Variants in AP4S1 observed in about 807,000 individuals in gnomAD.
AP4S1 encodes the protein AP-4 complex subunit sigma-1.
AP4S1 carries 23 observed loss-of-function variants against 19.8 expected under a neutral mutation model. The observed-to-expected ratio is 1.16, with a 90% CI of 0.84 to 1.65. The LOEUF (loss-of-function observed/expected upper bound fraction) is 1.65. AP4S1 is among the 40% of genes most tolerant of loss of function. AP4S1 has a pLI of 0.00. For missense variants in AP4S1, 166 were observed against 172.8 expected (o/e 0.96, Z 0.22); for synonymous variants, 46 against 54.1 (o/e 0.85, Z 0.66).
At chr14:31,054,377 A>T (rs67489064) in intron 1 of AP4S1, among the ~76,000 whole-genome samples, 16,884 of 151,994 alleles carry the variant, frequency 0.11, 1,254 homozygotes, top group Non-Finnish European at 0.16. Flanking sequence ...TCTACAAAAA[A>T]TTTTTTTTTA....
intron 2 of AP4S1, among the ~76,000 whole-genome samples, chr14:31,067,485 A>G (rs143436716): frequency 8.2e-6 from 1 of 121,878 alleles, no homozygotes; most frequent in Admixed American, 1.1e-4. Flanking sequence ...AAGTGTTCTC[A>G]TTGTTCAATT....
intron 1 of AP4S1, among the ~76,000 whole-genome samples, chr14:31,039,830 C>T (rs887960228): frequency 6.6e-5 from 10 of 151,958 alleles, no homozygotes; most frequent in African/African-American, 2.4e-4. Context: ...ACCTCGTGAT[C>T]CGCCCGTCTC....
At chr14:31,025,918 G>A in intron 1 of AP4S1, 131 bp downstream of exon 1, 1 of 1,601,148 alleles carries the variant, frequency 6.2e-7, no homozygotes, top group Non-Finnish European at 8.5e-7. Flanking sequence ...AGTTCGGCCC[G>A]TTCCACCTCC....
intron 1 of AP4S1, among the ~76,000 whole-genome samples, chr14:31,056,070 C>G (rs1886096993): frequency 6.6e-6 from 1 of 152,070 alleles, no homozygotes; most frequent in Non-Finnish European, 1.5e-5. Flanking sequence ...GTTTTGAACT[C>G]CTGACCTCAA....
At chr14:31,049,162 C>A in intron 1 of AP4S1, among the ~76,000 whole-genome samples, 1 of 151,782 alleles carries the variant, frequency 6.6e-6, no homozygotes, top group East Asian at 1.9e-4. Context: ...GCCTGTAATC[C>A]CAACACTTTG....
At chr14:31,077,413 C>T (rs1422640386) in intron 4 of AP4S1, among the ~76,000 whole-genome samples, 1 of 152,182 alleles carries the variant, frequency 6.6e-6, no homozygotes, top group East Asian at 1.9e-4. Flanking sequence ...GTCTTCAGCC[C>T]ACCTCCTAAT....
At chr14:31,067,208 CA>C (rs55659438) in intron 2 of AP4S1, among the ~76,000 whole-genome samples, 106,460 of 140,540 alleles carry the variant, frequency 0.76, 39,991 homozygotes, top group Admixed American at 0.8. Flanking sequence ...AACTCTGTCT[CA>C]AAAAAAAAAA....
intron 1 of AP4S1, among the ~76,000 whole-genome samples, chr14:31,057,641 T>C (rs1886192781): frequency 6.6e-6 from 1 of 152,158 alleles, no homozygotes; most frequent in South Asian, 2.1e-4. Flanking sequence ...TATTTATTTT[T>C]TGGAGACGAA....
chr14:31,029,032 C>T (rs115461485), intron 1 of AP4S1, among the ~76,000 whole-genome samples: 1 of 152,272 alleles, frequency 6.6e-6, no homozygotes, highest in African/African-American at 2.4e-5. Context: ...CTCACCTACC[C>T]TCAAAACAAA....
chr14:31,034,471 G>T (rs993073625), intron 1 of AP4S1, among the ~76,000 whole-genome samples: 3 of 151,918 alleles, frequency 2.0e-5, no homozygotes, highest in African/African-American at 7.3e-5. Flanking sequence ...CTTTTTTTGG[G>T]GGGGAAACAA....
intron 4 of AP4S1, among the ~76,000 whole-genome samples, chr14:31,073,491 G>GAA (rs1328162460): frequency 8.5e-5 from 12 of 141,008 alleles, no homozygotes; most frequent in Admixed American, 4.3e-4. Flanking sequence ...CTCCGTCTCA[G>GAA]AAAAAAAAAA....
intron 1 of AP4S1, among the ~76,000 whole-genome samples, chr14:31,043,088 G>C (rs1197554606): frequency 2.0e-5 from 3 of 152,064 alleles, no homozygotes; most frequent in African/African-American, 7.2e-5. Context: ...GGGCATGGTG[G>C]TGCACGCCTG....
chr14:31,062,471 G>A (rs1305957864), intron 1 of AP4S1, among the ~76,000 whole-genome samples: 2 of 152,172 alleles, frequency 1.3e-5, no homozygotes, highest in Non-Finnish European at 2.9e-5. Context: ...CAGGATAGGT[G>A]TCAGGAAAGT....
chr14:31,053,280 C>A (rs1885911487), intron 1 of AP4S1, among the ~76,000 whole-genome samples: 1 of 152,138 alleles, frequency 6.6e-6, no homozygotes, highest in Non-Finnish European at 1.5e-5. Context: ...TCATTTGCCT[C>A]ATTTAATTTT....
At chr14:31,044,503 G>A (rs1264061471) in intron 1 of AP4S1, among the ~76,000 whole-genome samples, 1 of 151,856 alleles carries the variant, frequency 6.6e-6, no homozygotes, top group Non-Finnish European at 1.5e-5. Flanking sequence ...CACCATGCCA[G>A]GCTAATTTTT....
At chr14:31,053,909 G>A (rs1885956748) in intron 1 of AP4S1, among the ~76,000 whole-genome samples, 1 of 152,110 alleles carries the variant, frequency 6.6e-6, no homozygotes, top group Non-Finnish European at 1.5e-5. Flanking sequence ...ATGTACAGAG[G>A]AGGTCTAAAA....
intron 4 of AP4S1, among the ~76,000 whole-genome samples, chr14:31,079,659 C>G (rs978050017): frequency 2.0e-5 from 3 of 152,018 alleles, no homozygotes; most frequent in East Asian, 3.9e-4. Context: ...ACCCCCGTCT[C>G]TACAAAAAAT....
rs1042127982 is a variant in AP4S1 at position 31,026,033 on chromosome 14, G to C, written c.-72+246G>C. 1.9e-6 allele frequency: 3 copies of C among 1,538,468 alleles called. No homozygotes were observed. In the Admixed American group the frequency reaches 6.0e-5, roughly 31 times the overall value. ...GCCGGGACAGCTCGGGGCCTGCCGC[G>C]GGACCCGCTCCCTCGGAGGCCGGAG... On this transcript the variant is annotated intron_variant, in intron 1 of 5. Transcript: ENST00000542754.
Position 31,066,165 on chromosome 14 carries a change from G to C in AP4S1, c.-32G>C, listed in dbSNP as rs766957417. 9 of 1,611,836 alleles carry C rather than the reference G, an allele frequency of 5.6e-6. No homozygotes were observed. The highest frequency in any genetic ancestry group is 7.6e-6 in the Non-Finnish European group (9 of 1,178,886). ...CATCCCTTGTCATAACTTTTGAACT[G>C]TATTTGGAAAAATACTGGCCAGGAA... On this transcript the variant is annotated 5_prime_UTR_variant, in exon 2 of 6. Coordinates refer to ENST00000542754, the MANE Select transcript of AP4S1 (RefSeq NM_001128126.3).
Sources: gnomAD v4.1 joint callset for allele counts (sites outside exome capture counted in the v4.1 genomes callset) on GRCh38, gnomAD v4.1.1 for gene constraint, MANE v1.5 for transcripts, NCBI Gene and HGNC (gene_info 2026-07-23, HGNC 2026-07-21) for gene names.